Variants in HCAR3 observed in about 807,000 individuals in gnomAD.
HCAR3 encodes G-protein coupled receptor 109B.
For synonymous variants in HCAR3, 167 were observed against 201.0 expected (o/e 0.83, Z 1.43); for missense variants, 404 against 501.2 (o/e 0.81, Z 1.85).
rs753724916 is a variant in HCAR3, at chr12:122,716,073, C to T, written c.665G>A (p.Arg222Gln). The T allele has an allele frequency of 1.1e-5, 17 of 1,610,682 alleles. No homozygotes were observed. Among genetic ancestry groups the T allele is most frequent in the Admixed American group, 1.7e-5 (1 of 59,852 alleles). Residue 222 changes from arginine to glutamine, a missense_variant, in exon 1 of 1, where the codon CGG becomes CAG. Arg to Gln is a conservative substitution (Grantham distance 43). Coordinates refer to ENST00000528880, the MANE Select transcript of HCAR3 (RefSeq NM_006018.3). ...IWSLRQRQMDRHAKIKRAITF... is the reference protein window; with the variant it reads ...IWSLRQRQMDQHAKIKRAITF... ...GATGGCTCTCTTGATCTTGGCATGC[C>T]GGTCCATTTGTCTCTGCCGCAGGCT...
Position 122,715,542 on chromosome 12 carries a change from T to C in HCAR3, c.*32A>G. On this transcript the variant is annotated 3_prime_UTR_variant, in exon 1 of 1. Coordinates refer to ENST00000528880, the MANE Select transcript of HCAR3 (RefSeq NM_006018.3). ...AAATCAGATTCTCTGAATCTGGAAG[T>C]TCCAGGAAATCTTAGGCCGAGTCCA... The C allele has an allele frequency of 6.5e-7, 1 of 1,533,204 alleles. No individual in the cohort carries two copies. Among genetic ancestry groups the C allele is most frequent in the Non-Finnish European group, 8.8e-7 (1 of 1,139,212 alleles). 95.0% of individuals were successfully genotyped at this position (1,533,204 alleles called of 1,614,324 possible). A position where few individuals can be genotyped will look rare whatever the true frequency, so the allele number is the denominator to read the frequency against.
rs748486907 is a variant in HCAR3 at position 122,715,751 on chromosome 12, G to A, written c.987C>T (p.Val329=). 20 of 1,609,206 alleles carry A rather than the reference G, an allele frequency of 1.2e-5. No homozygotes were observed. The Admixed American group carries it at 1.7e-4, about 14-fold the overall frequency. Residue 329 remains valine (V), a synonymous_variant, in exon 1 of 1, where the codon GTC becomes GTT. Coordinates refer to ENST00000528880, the MANE Select transcript of HCAR3 (RefSeq NM_006018.3). ...TTTTGTTGGGGTCCCCTGTGAGCTC[G>A]ACGCTCGTGCTGCGGTTATTATCTG... ...GEPDNNRSTS[V]ELTGDPNKTR...
Position 122,716,188 on chromosome 12 carries a change from G to T in HCAR3, c.550C>A (p.His184Asn). The T allele has an allele frequency of 1.2e-6, 2 of 1,614,120 alleles. No individual in the cohort carries two copies. Among genetic ancestry groups the T allele is most frequent in the Non-Finnish European group, 1.7e-6 (2 of 1,180,022 alleles). ...ANVCISFSIC[H>N]TFRWHEAMFL... ...ATAGCTTCGTGCCACCGGAAGGTAT[G>T]GCAGATGCTGAAGCTGATGCACACA... The change falls in exon 1 of 1, where the codon CAT becomes AAT. Residue 184 changes from histidine to asparagine, a missense_variant. Transcript: ENST00000528880.
chr12:122,716,805 G>A lies in HCAR3; in HGVS notation c.-68C>T. ...TGCTCCAGCAAAGTGGCGTGTGTCT[G>A]TATGGTGAACGTGTGGTTCCGTGCC... On this transcript the variant is annotated 5_prime_UTR_variant, in exon 1 of 1. Coordinates refer to ENST00000528880, the MANE Select transcript of HCAR3 (RefSeq NM_006018.3). 6.3e-7 allele frequency: 1 copy of A among 1,575,234 alleles called. No homozygotes were observed. Among genetic ancestry groups the A allele is most frequent in the South Asian group, 1.2e-5 (1 of 85,354 alleles).
Position 122,716,491 on chromosome 12 carries a change from C to T in HCAR3, c.247G>A (p.Val83Met), listed in dbSNP as rs3825150. 64 of 1,614,052 alleles carry T rather than the reference C, an allele frequency of 4.0e-5. No individual in the cohort carries two copies. The highest frequency in any genetic ancestry group is 5.1e-5 in the Non-Finnish European group (60 of 1,180,026). Reference protein sequence around the residue: ...DFLLIICLPFVMDYYVRRSDW... With the variant: ...DFLLIICLPFMMDYYVRRSDW... ...GAACGCCGCACATAGTAGTCCATCACGAACGGCAGGCAGATGATCAGTAGA... is the reference window on the plus strand; with the variant it reads ...GAACGCCGCACATAGTAGTCCATCATGAACGGCAGGCAGATGATCAGTAGA... The change falls in exon 1 of 1, where the codon GTG becomes ATG. Residue 83 changes from valine (V) to methionine (M), a missense_variant. Physicochemically the swap from Val to Met is conservative, Grantham distance 21. Transcript: ENST00000528880.
rs1877488790 is a variant in HCAR3, at chr12:122,714,875, A to C, written c.*699T>G. 1 of 150,720 alleles carries C rather than the reference A, an allele frequency of 6.6e-6. No homozygotes were observed. Among genetic ancestry groups the C allele is most frequent in the Admixed American group, 6.6e-5 (1 of 15,096 alleles). 9.3% of individuals were successfully genotyped at this position (150,720 alleles called of 1,614,324 possible). A position where few individuals can be genotyped will look rare whatever the true frequency, so the allele number is the denominator to read the frequency against. Reference sequence around the variant, plus strand: ...GGGGCAGAGGCACGTTTCCCTTTTAATGGTAAAAGCAAACAGGTGGGAAAC... The same window carrying C: ...GGGGCAGAGGCACGTTTCCCTTTTACTGGTAAAAGCAAACAGGTGGGAAAC... On this transcript the variant is annotated 3_prime_UTR_variant, in exon 1 of 1. Transcript: ENST00000528880.
chr12:122,716,373 G>A lies in HCAR3; in HGVS notation c.365C>T (p.Ala122Val), dbSNP rs560627929. Reference sequence around the variant, plus strand: ...GACCACCCGGAAATACCTGTCTACCGCCACCACCGTGAGGAATATGATGCT... The same window carrying A: ...GACCACCCGGAAATACCTGTCTACCACCACCACCGTGAGGAATATGATGCT... Reference protein sequence around the residue: ...QGSIIFLTVVAVDRYFRVVHP... With the variant: ...QGSIIFLTVVVVDRYFRVVHP... The change falls in exon 1 of 1, where the codon GCG becomes GTG. Residue 122 changes from alanine to valine, a missense_variant. By Grantham distance (64) the Ala-to-Val change is moderately conservative. Coordinates refer to ENST00000528880, the MANE Select transcript of HCAR3 (RefSeq NM_006018.3). 1.2e-5 allele frequency: 20 copies of A among 1,614,024 alleles called. No homozygotes were observed. The highest frequency in any genetic ancestry group is 4.4e-5 in the South Asian group (4 of 91,078).
rs772202813 is a variant in HCAR3 at position 122,716,439 on chromosome 12, C to T, written c.299G>A (p.Cys100Tyr). ...RSDWKFGDIP[C>Y]RLVLFMFAMN... ...GGCAAACATGAAGAGCACCAGCCGG[C>T]AAGGGATGTCCCCAAACTTCCAGTC... Residue 100 changes from cysteine (C) to tyrosine (Y), a missense_variant, in exon 1 of 1, where the codon TGC (cysteine) becomes TAC (tyrosine). Transcript: ENST00000528880. 5.0e-6 allele frequency: 8 copies of T among 1,614,032 alleles called. No individual in the cohort carries two copies. The highest frequency in any genetic ancestry group is 6.8e-6 in the Non-Finnish European group (8 of 1,180,004).
Position 122,716,639 on chromosome 12 carries a change from C to T in HCAR3, c.99G>A (p.Val33=), listed in dbSNP as rs761158230. The change falls in exon 1 of 1, where the codon GTG becomes GTA. Residue 33 remains valine (V), a synonymous_variant. Transcript: ENST00000528880. ...GCCCAAAGATAAACTCCAGCCCCAA[C>T]ACCGGCGGCAACACCTTGGCAATGA... is the stretch of plus-strand genomic sequence containing the variant. ...DDFIAKVLPP[V]LGLEFIFGLL... 7.4e-6 allele frequency: 12 copies of T among 1,614,190 alleles called. No individual in the cohort carries two copies. The highest frequency in any genetic ancestry group is 1.0e-5 in the Non-Finnish European group (12 of 1,180,048).
Position 122,716,171 on chromosome 12 carries a change from G to A in HCAR3, c.567C>T (p.His189=), listed in dbSNP as rs553858673. Residue 189 remains histidine (H), a synonymous_variant, in exon 1 of 1, where the codon CAC becomes CAT. Coordinates refer to ENST00000528880, the MANE Select transcript of HCAR3 (RefSeq NM_006018.3). ...AGAACTCCAGGAGGAACATAGCTTC[G>A]TGCCACCGGAAGGTATGGCAGATGC... ...SFSICHTFRW[H]EAMFLLEFFL... is the part of the protein sequence containing the mutation. 7.7e-5 allele frequency: 125 copies of A among 1,614,060 alleles called. 1 individual carries two copies. In the South Asian group the frequency reaches 7.8e-4, roughly 10 times the overall value.
rs3825158 is a variant in HCAR3, at chr12:122,716,793, T to A, written c.-56A>T. 1.1e-5 allele frequency: 17 copies of A among 1,592,150 alleles called. No homozygotes were observed. The highest frequency in any genetic ancestry group is 1.7e-4 in the Middle Eastern group (1 of 5,964). On this transcript the variant is annotated 5_prime_UTR_variant, in exon 1 of 1. Coordinates refer to ENST00000528880, the MANE Select transcript of HCAR3 (RefSeq NM_006018.3). ...TCGCCTAGTGAATGCTCCAGCAAAG[T>A]GGCGTGTGTCTGTATGGTGAACGTG...
chr12:122,716,543 G>A lies in HCAR3; in HGVS notation c.195C>T (p.Phe65=), dbSNP rs1162499443. The change falls in exon 1 of 1, where the codon TTC becomes TTT. Residue 65 remains phenylalanine, a synonymous_variant. Transcript: ENST00000528880. Reference sequence around the variant, plus strand: ...AGTCAGCTACTGCCAGGTTGAACAGGAAAATCCGGCTGGATTTCCAGGACT... The same window carrying A: ...AGTCAGCTACTGCCAGGTTGAACAGAAAAATCCGGCTGGATTTCCAGGACT... ...HLKSWKSSRI[F]LFNLAVADFL... is the part of the protein sequence containing the mutation. 6.2e-7 allele frequency: 1 copy of A among 1,614,164 alleles called. No individual in the cohort carries two copies. The highest frequency in any genetic ancestry group is 8.5e-7 in the Non-Finnish European group (1 of 1,180,028).
At position 122,716,354 on chromosome 12, in the gene HCAR3, C is replaced by T; in HGVS notation, c.384G>A (p.Arg128=). 1 of 1,614,046 alleles carries T rather than the reference C, an allele frequency of 6.2e-7. No homozygotes were observed. The highest frequency in any genetic ancestry group is 2.2e-5 in the East Asian group (1 of 44,876). ...LTVVAVDRYF[R]VVHPHHALNK... Reference sequence around the variant, plus strand: ...TCAGGGCGTGGTGGGGATGGACCACCCGGAAATACCTGTCTACCGCCACCA... The same window carrying T: ...TCAGGGCGTGGTGGGGATGGACCACTCGGAAATACCTGTCTACCGCCACCA... Residue 128 remains arginine (R), a synonymous_variant, in exon 1 of 1, where the codon CGG becomes CGA. Transcript: ENST00000528880.
chr12:122,716,327 G>T lies in HCAR3; in HGVS notation c.411C>A (p.Asn137Lys). 1.2e-6 allele frequency: 2 copies of T among 1,614,120 alleles called. No homozygotes were observed. Among genetic ancestry groups the T allele is most frequent in the South Asian group, 2.2e-5 (2 of 91,082 alleles). ...FRVVHPHHALNKISNWTAAII... is the reference protein window; with the variant it reads ...FRVVHPHHALKKISNWTAAII... ...TGGCTGCTGTCCAATTGGAGATCTT[G>T]TTCAGGGCGTGGTGGGGATGGACCA... The change falls in exon 1 of 1, where the codon AAC (asparagine) becomes AAA (lysine). Residue 137 changes from asparagine to lysine, a missense_variant. Asn to Lys is a moderately conservative substitution (Grantham distance 94). Coordinates refer to ENST00000528880, the MANE Select transcript of HCAR3 (RefSeq NM_006018.3).
In HCAR3 at chr12:122,716,239, ACTT is replaced by A. The variant is rs776566658; in HGVS notation, c.496_498del (p.Lys166del). Reference sequence around the variant, plus strand: ...TTTGCAGTGCCATTCTGGATCAGCAACTTCTTCTTCAGGAGGTGGACTGTTAGG... The same window carrying A: ...TTTGCAGTGCCATTCTGGATCAGCAACTTCTTCAGGAGGTGGACTGTTAGG... On this transcript the variant is annotated inframe_deletion, in exon 1 of 1. Transcript: ENST00000528880. The A allele has an allele frequency of 1.2e-5, 19 of 1,614,122 alleles. No individual in the cohort carries two copies. Among genetic ancestry groups the A allele is most frequent in the East Asian group, 1.1e-4 (5 of 44,886 alleles).
At position 122,716,784 on chromosome 12, in the gene HCAR3, C is replaced by A. The variant is rs781730752; in HGVS notation, c.-47G>T. 6.3e-7 allele frequency: 1 copy of A among 1,597,760 alleles called. No individual in the cohort carries two copies. Among genetic ancestry groups the A allele is most frequent in the African/African-American group, 1.3e-5 (1 of 74,566 alleles). On this transcript the variant is annotated 5_prime_UTR_variant, in exon 1 of 1. Coordinates refer to ENST00000528880, the MANE Select transcript of HCAR3 (RefSeq NM_006018.3). ...TGGAGCGCCTCGCCTAGTGAATGCT[C>A]CAGCAAAGTGGCGTGTGTCTGTATG...
Position 122,715,462 on chromosome 12 carries a change from A to G in HCAR3, c.*112T>C. The G allele has an allele frequency of 2.5e-6, 3 of 1,196,038 alleles. No individual in the cohort carries two copies. The highest frequency in any genetic ancestry group is 3.6e-6 in the Non-Finnish European group (3 of 844,004). The allele number at this position is 1,196,038 out of a possible 1,614,324, so 74.1% of individuals were successfully genotyped here. On this transcript the variant is annotated 3_prime_UTR_variant, in exon 1 of 1. Coordinates refer to ENST00000528880, the MANE Select transcript of HCAR3 (RefSeq NM_006018.3). ...AAGCTTTACTCTCTGTTCCTCCAGG[A>G]TTCCTGCGGTCACACCTTGCAACCA...
chr12:122,716,382 G>A lies in HCAR3; in HGVS notation c.356C>T (p.Thr119Met), dbSNP rs772254116. 22 of 1,613,944 alleles carry A rather than the reference G, an allele frequency of 1.4e-5. No homozygotes were observed. The highest frequency in any genetic ancestry group is 8.8e-5 in the South Asian group (8 of 91,076). Residue 119 changes from threonine (T) to methionine (M), a missense_variant, in exon 1 of 1, where the codon ACG becomes ATG. Coordinates refer to ENST00000528880, the MANE Select transcript of HCAR3 (RefSeq NM_006018.3). ...MNRQGSIIFL[T>M]VVAVDRYFRV... ...GAAATACCTGTCTACCGCCACCACC[G>A]TGAGGAATATGATGCTGCCCTGGCG...
In HCAR3 at chr12:122,716,452, CA is replaced by C. The variant is rs1368492478; in HGVS notation, c.285del (p.Phe95LeufsTer15). On this transcript the variant is annotated frameshift_variant, in exon 1 of 1. Coordinates refer to ENST00000528880, the MANE Select transcript of HCAR3 (RefSeq NM_006018.3). LOFTEE classifies it low-confidence loss of function (END_TRUNC). ...AGCACCAGCCGGCAAGGGATGTCCCCAAACTTCCAGTCTGAACGCCGCACAT... is the reference window on the plus strand; with the variant it reads ...AGCACCAGCCGGCAAGGGATGTCCCCAACTTCCAGTCTGAACGCCGCACAT... ...DYYVRRSDWKFGDIPCRLVLF... is the reference protein window; with the variant it reads ...DYYVRRSDWKXGDIPCRLVLF... 1 of 1,614,032 alleles carries C rather than the reference CA, an allele frequency of 6.2e-7. No homozygotes were observed. The highest frequency in any genetic ancestry group is 1.1e-5 in the South Asian group (1 of 91,072).
Sources: allele counts gnomAD v4.1 joint callset, GRCh38; gene constraint gnomAD v4.1.1; transcripts MANE v1.5; gene names NCBI Gene and HGNC (gene_info 2026-07-23, HGNC 2026-07-21).